Variants in IL1RAPL2 observed in about 807,000 individuals in gnomAD.
IL1RAPL2 encodes the protein X-linked interleukin-1 receptor accessory protein-like 2.
A neutral mutation model predicts 44.1 loss-of-function variants in IL1RAPL2; 3 were observed. That is an observed-to-expected ratio of 0.07 (90% confidence interval 0.03 to 0.18). IL1RAPL2 has a LOEUF of 0.18. Among genes scored for constraint, IL1RAPL2 ranks in the 10% least tolerant of loss-of-function variants. IL1RAPL2 has a pLI of 1.00. For synonymous variants in IL1RAPL2, 181 were observed against 178.8 expected (o/e 1.01, Z -0.10); for missense variants, 391 against 496.4 (o/e 0.79, Z 2.02).
chrX:105,735,266 T>C, intron 7 of IL1RAPL2, among the ~76,000 whole-genome samples: 1 of 111,312 alleles, frequency 9.0e-6, no homozygotes, highest in Non-Finnish European at 1.9e-5. Flanking sequence ...CCTTTAATGT[T>C]AATATTTAGA....
chrX:105,482,394 A>T (rs1363186826), intron 5 of IL1RAPL2, among the ~76,000 whole-genome samples: 1 of 111,973 alleles, frequency 8.9e-6, no homozygotes, highest in Non-Finnish European at 1.9e-5. Context: ...TAGACATTAT[A>T]TTAGTAGGTC....
chrX:105,729,505 G>C (rs1466889384), intron 7 of IL1RAPL2, among the ~76,000 whole-genome samples: 1 of 110,741 alleles, frequency 9.0e-6, no homozygotes, highest in Non-Finnish European at 1.9e-5. Flanking sequence ...TCTTTGATTA[G>C]GTGTCTGTTC....
chrX:105,710,630 CT>C (rs2038201776), intron 6 of IL1RAPL2, among the ~76,000 whole-genome samples: 1 of 109,437 alleles, frequency 9.1e-6, no homozygotes. Flanking sequence ...TGTCAAACTT[CT>C]TTTTTTTAGT....
intron 2 of IL1RAPL2, among the ~76,000 whole-genome samples, chrX:104,677,124 G>T (rs2147536315): frequency 8.9e-6 from 1 of 112,116 alleles, no homozygotes; most frequent in East Asian, 2.8e-4. Flanking sequence ...GTCCAGCTTT[G>T]TTCCGTTGCT....
intron 2 of IL1RAPL2, among the ~76,000 whole-genome samples, chrX:104,899,070 T>C: frequency 8.9e-6 from 1 of 112,324 alleles, no homozygotes; most frequent in East Asian, 2.8e-4. Flanking sequence ...CAGGAGGTTA[T>C]GGTTACAGCT....
chrX:105,142,776 C>G (rs141365702), intron 2 of IL1RAPL2, among the ~76,000 whole-genome samples: 3 of 109,620 alleles, frequency 2.7e-5, no homozygotes, highest in Non-Finnish European at 3.8e-5. Context: ...ATCCCTCCCC[C>G]CTACCCTCAC....
At chrX:105,086,702 ATATG>A (rs1376975000) in intron 2 of IL1RAPL2, among the ~76,000 whole-genome samples, 3 of 61,606 alleles carry the variant, frequency 4.9e-5, no homozygotes, top group African/African-American at 3.0e-4. Flanking sequence ...CATTGTATAT[ATATG>A]TGTGTGTGTG....
rs932864547 is a variant in IL1RAPL2 at position 105,609,332 on chromosome X, T to C, written c.773-108035T>C. On this transcript the variant is annotated intron_variant, in intron 6 of 10. Coordinates refer to ENST00000372582, the MANE Select transcript of IL1RAPL2 (RefSeq NM_017416.2). ...GGATAGTGATGATAGTCATACAACA[T>C]TGTGAATGTACTTAATGGGCGCTGA... Among the ~76,000 whole-genome samples the C allele has an allele frequency of 1.2e-3, 29 of 23,663 alleles. No homozygotes were observed. The South Asian group carries it at 0.018, about 15-fold the overall frequency. 20.5% of individuals were successfully genotyped at this position (23,663 alleles called of 115,157 possible).
intron 6 of IL1RAPL2, among the ~76,000 whole-genome samples, chrX:105,673,602 T>C (rs2037842854): frequency 8.9e-6 from 1 of 112,085 alleles, no homozygotes; most frequent in African/African-American, 3.2e-5. Context: ...ATGTCTTTGT[T>C]ATTGTGAATA....
At chrX:104,820,390 C>G (rs1335846434) in intron 2 of IL1RAPL2, among the ~76,000 whole-genome samples, 2 of 111,675 alleles carry the variant, frequency 1.8e-5, no homozygotes, top group African/African-American at 6.5e-5. Flanking sequence ...CTTGGTCTAG[C>G]CTGTCACACT....
At chrX:104,901,150 C>T (rs1250011125) in intron 2 of IL1RAPL2, among the ~76,000 whole-genome samples, 1 of 98,859 alleles carries the variant, frequency 1.0e-5, no homozygotes, top group Non-Finnish European at 2.0e-5. Context: ...TTTCTGTGAA[C>T]ATTTTAAAAT....
intron 2 of IL1RAPL2, among the ~76,000 whole-genome samples, chrX:104,745,780 G>T (rs778703625): frequency 1.6e-4 from 18 of 111,386 alleles, no homozygotes; most frequent in Non-Finnish European, 2.3e-4. Context: ...ATAAGATTGG[G>T]CTAAATGACT....
At chrX:105,491,375 C>CT (rs1424958125) in intron 6 of IL1RAPL2, among the ~76,000 whole-genome samples, 1 of 111,383 alleles carries the variant, frequency 9.0e-6, no homozygotes, top group African/African-American at 3.3e-5. Context: ...TAGCTGGAGT[C>CT]ATAACTTGGT....
intron 2 of IL1RAPL2, among the ~76,000 whole-genome samples, chrX:105,033,678 T>G (rs1002542181): frequency 3.6e-5 from 4 of 111,370 alleles, no homozygotes; most frequent in African/African-American, 1.3e-4. Flanking sequence ...ATTTCAACTT[T>G]GGTGAATCTG....
chrX:105,646,546 GA>G (rs1416064297), intron 6 of IL1RAPL2, among the ~76,000 whole-genome samples: 1 of 111,634 alleles, frequency 9.0e-6, no homozygotes, highest in Non-Finnish European at 1.9e-5. Context: ...ATCAATCACT[GA>G]ATACCTATTT....
chrX:105,066,043 C>T (rs774935027), intron 2 of IL1RAPL2, among the ~76,000 whole-genome samples: 11 of 111,157 alleles, frequency 9.9e-5, no homozygotes, highest in Non-Finnish European at 1.7e-4. Context: ...TGGTGGGAGA[C>T]GGGCTATAGC....
At chrX:105,086,260 T>TACAC (rs57243276) in intron 2 of IL1RAPL2, among the ~76,000 whole-genome samples, 10 of 107,792 alleles carry the variant, frequency 9.3e-5, no homozygotes, top group East Asian at 2.9e-4. Context: ...GAAAATGTGA[T>TACAC]ACACACACAC....
chrX:105,280,580 C>T (rs997260793), intron 5 of IL1RAPL2, among the ~76,000 whole-genome samples: 1 of 109,217 alleles, frequency 9.2e-6, no homozygotes, highest in African/African-American at 3.3e-5. Flanking sequence ...AACAAATTTA[C>T]AAGAAAAAAA....
intron 10 of IL1RAPL2, among the ~76,000 whole-genome samples, chrX:105,756,245 T>G (rs1047890859): frequency 2.7e-5 from 3 of 112,108 alleles, no homozygotes; most frequent in African/African-American, 9.7e-5. Context: ...TAAAATAATT[T>G]CACATACATT....
Sources: allele counts gnomAD v4.1 joint callset (sites outside exome capture counted in the v4.1 genomes callset), GRCh38; gene constraint gnomAD v4.1.1; transcripts MANE v1.5; gene names NCBI Gene and HGNC (gene_info 2026-07-23, HGNC 2026-07-21).